The following MYH9 variants were observed in gnomAD, a reference collection of about 807,000 sequenced individuals.
The protein encoded by MYH9 is myosin heavy chain 9.
In MYH9, 29 loss-of-function variants were observed where a neutral mutation model predicts 241.9. The observed-to-expected ratio is 0.12, with a 90% CI of 0.09 to 0.16. MYH9 has a LOEUF of 0.16. Ranked by LOEUF, MYH9 falls within the 10% of genes least tolerant of loss-of-function variation. MYH9 has a pLI of 1.00. For missense variants in MYH9, 1,803 were observed against 2,595.5 expected, an observed-to-expected ratio of 0.69 and a Z score of 6.63; for synonymous variants, 1,047 against 1,062.6, an observed-to-expected ratio of 0.99 and a Z score of 0.29.
In MYH9 at chr22:36,320,823, C is replaced by G. The variant is rs2017238102; in HGVS notation, c.843G>C (p.Leu281=). ...ERTFHIFYYL[L]SGAGEHLKTD... is the part of the protein sequence containing the mutation. The stretch of plus-strand genomic sequence containing the variant: ...TCTTCAGGTGCTCTCCAGCCCCAGA[C>G]AGGAGATAATAGAAGATGTGGAAGG... Residue 281 remains leucine, a synonymous_variant, in exon 8 of 41, where the codon CTG becomes CTC. Transcript: ENST00000216181. The surrounding 1 kb of genome is among the most constrained non-coding windows in gnomAD (Gnocchi z 4.8). The G allele has an allele frequency of 1.2e-6, 2 of 1,614,096 alleles. No homozygotes were observed. The highest frequency in any genetic ancestry group is 1.1e-5 in the South Asian group (1 of 91,080).
At chr22:36,292,303 G>C in intron 30 of MYH9, 69 bp from the exon 31 acceptor site, 1 of 1,602,580 alleles carries the variant, frequency 6.2e-7, no homozygotes, top group Non-Finnish European at 8.5e-7. Context: ...CCGTCCCTGG[G>C]GCAGCTGGGA....
At chr22:36,315,845 C>T (rs971644456) in intron 12 of MYH9, among the ~76,000 whole-genome samples, 1 of 141,918 alleles carries the variant, frequency 7.0e-6, no homozygotes, top group Admixed American at 6.8e-5. Context: ...TCTAACTGAG[C>T]CTGGGCCACA....
chr22:36,296,925 T>A lies in MYH9; in HGVS notation c.3190A>T (p.Ile1064Phe), dbSNP rs147911658. 8.1e-6 allele frequency: 13 copies of A among 1,614,110 alleles called. No individual in the cohort carries two copies. Among genetic ancestry groups the A allele is most frequent in the Non-Finnish European group, 1.0e-5 (12 of 1,179,986 alleles). ...EGDSTDLSDQ[I>F]AELQAQIAEL... ...GCGATCTGGGCCTGGAGCTCGGCGA[T>A]CTGGTCGCTGAGGTCTGTGGAGTCT... The change falls in exon 25 of 41, where the codon ATC becomes TTC. Residue 1064 changes from isoleucine (I) to phenylalanine (F), a missense_variant. Around this residue, in one of 11 missense-constraint regions of MYH9, gnomAD observed 290 missense variants for 360.5 expected, o/e 0.80. Coordinates refer to ENST00000216181, the MANE Select transcript of MYH9 (RefSeq NM_002473.6).
Position 36,320,330 on chromosome 22 carries a change from C to T in MYH9, c.902G>A (p.Arg301His). The T allele has an allele frequency of 2.5e-6, 4 of 1,614,070 alleles. No individual in the cohort carries two copies. Among genetic ancestry groups the T allele is most frequent in the Non-Finnish European group, 3.4e-6 (4 of 1,180,034 alleles). The change falls in exon 9 of 41, where the codon CGC (arginine) becomes CAC (histidine). Residue 301 changes from arginine to histidine, a missense_variant. Physicochemically the swap from Arg to His is conservative, Grantham distance 29 (BLOSUM62 0). Around this residue, in one of 11 missense-constraint regions of MYH9, gnomAD observed 222 missense variants for 359.9 expected, o/e 0.62. Coordinates refer to ENST00000216181, the MANE Select transcript of MYH9 (RefSeq NM_002473.6). The surrounding 1 kb of genome is among the most constrained non-coding windows in gnomAD (Gnocchi z 4.8). ...GGTGACGTGTCCATTGGACAGGAAG[C>T]GGTATTTGTTGTACGGCTCCAACAG... ...DLLLEPYNKY[R>H]FLSNGHVTIP...
At chr22:36,351,300 A>AC (rs2017761442) in intron 1 of MYH9, among the ~76,000 whole-genome samples, 1 of 152,074 alleles carries the variant, frequency 6.6e-6, no homozygotes, top group South Asian at 2.1e-4. Flanking sequence ...ACACAGGCAA[A>AC]CCCCACAGAC....
In MYH9 at chr22:36,300,865, G is replaced by C. The variant is rs1170023687; in HGVS notation, c.2824C>G (p.Gln942Glu). 1 of 1,601,892 alleles carries C rather than the reference G, an allele frequency of 6.2e-7. No homozygotes were observed. Among genetic ancestry groups the C allele is most frequent in the South Asian group, 1.1e-5 (1 of 91,084 alleles). Residue 942 changes from glutamine (Q) to glutamate (E), a missense_variant, in exon 22 of 41, where the codon CAG becomes GAG. Gln to Glu is a conservative substitution (Grantham distance 29, BLOSUM62 2). This residue lies in a region of MYH9 where 290 missense variants were observed against 360.5 expected (regional missense o/e 0.80). Transcript: ENST00000216181. This position sits in a 1 kb window ranked among gnomAD's most constrained non-coding sequence, Gnocchi z 5.0. ...QHLQAEKKKM[Q>E]QNIQELEEQL... is the part of the protein sequence containing the mutation. The stretch of plus-strand genomic sequence containing the variant: ...CGGGCAGGAACCTGGATGTTCTGCT[G>C]CATCTTCTTCTTCTCCGCCTGCAGG...
chr22:36,293,666 T>C lies in MYH9; in HGVS notation c.3942+93A>G. 1 of 1,349,952 alleles carries C rather than the reference T, an allele frequency of 7.4e-7. No individual in the cohort carries two copies. Among genetic ancestry groups the C allele is most frequent in the African/African-American group, 1.4e-5 (1 of 69,812 alleles). 83.6% of individuals were successfully genotyped at this position (1,349,952 alleles called of 1,614,324 possible). On this transcript the variant is annotated intron_variant, in intron 29 of 40. Transcript: ENST00000216181. This position sits in a 1 kb window ranked among gnomAD's most constrained non-coding sequence, Gnocchi z 5.1. ...AGGATGAAGCAGATGAAGGAGAGGATGGGCAATCCGATGGGCTCTGAAGCT... is the reference window on the plus strand; with the variant it reads ...AGGATGAAGCAGATGAAGGAGAGGACGGGCAATCCGATGGGCTCTGAAGCT...
Position 36,299,047 on chromosome 22 carries a change from G to T in MYH9, c.2977-5C>A. 6.2e-7 allele frequency: 1 copy of T among 1,613,966 alleles called. No homozygotes were observed. Among genetic ancestry groups the T allele is most frequent in the Non-Finnish European group, 8.5e-7 (1 of 1,179,974 alleles). On this transcript the variant is annotated splice_region_variant and splice_polypyrimidine_tract_variant and intron_variant, in intron 23 of 40. Coordinates refer to ENST00000216181, the MANE Select transcript of MYH9 (RefSeq NM_002473.6). ...GTCTTCCAGCAGTTTCTTTTCCTGG[G>T]GAGAGGGGAGTAGGCTGGCATTTAG...
chr22:36,302,414 G>T, intron 20 of MYH9, 154 bp downstream of exon 20: 1 of 650,740 alleles, frequency 1.5e-6, no homozygotes, highest in Non-Finnish European at 2.8e-6. Context: ...TTGGGAGGCT[G>T]AGGTAGGAGG....
In MYH9 at chr22:36,294,146, G is replaced by A. The variant is rs1360235557; in HGVS notation, c.3783C>T (p.Phe1261=). 6.2e-7 allele frequency: 1 copy of A among 1,612,724 alleles called. No homozygotes were observed. Among genetic ancestry groups the A allele is most frequent in the Admixed American group, 1.7e-5 (1 of 60,032 alleles). ...EAQLQELQVK[F]NEGERVRTEL... ...CTGTGCGCACGCGCTCTCCCTCGTT[G>A]AACTTGACCTGCAGCTCCTGCAGCT... The change falls in exon 28 of 41, where the codon TTC becomes TTT. Residue 1261 remains phenylalanine (F), a synonymous_variant. Coordinates refer to ENST00000216181, the MANE Select transcript of MYH9 (RefSeq NM_002473.6).
chr22:36,348,796 A>T, intron 2 of MYH9, 108 bp downstream of exon 2: 1 of 1,108,678 alleles, frequency 9.0e-7, no homozygotes, highest in Non-Finnish European at 1.3e-6. Context: ...CCCCTTCTCA[A>T]CCAGAGAGCC....
In MYH9 at chr22:36,288,928, C is replaced by T. The variant is rs1286677579; in HGVS notation, c.4569G>A (p.Leu1523=). 1.9e-5 allele frequency: 30 copies of T among 1,613,812 alleles called. No homozygotes were observed. Among genetic ancestry groups the T allele is most frequent in the African/African-American group, 4.0e-5 (3 of 74,926 alleles). ...GCTCTAGGGCCCGCTTGGACTTCTC[C>T]AGCTCGTGGACCTGAGCCCCAGAGA... ...KDDVGKSVHE[L]EKSKRALEQQ... The change falls in exon 33 of 41, where the codon CTG becomes CTA. Residue 1523 remains leucine (L), a synonymous_variant. Coordinates refer to ENST00000216181, the MANE Select transcript of MYH9 (RefSeq NM_002473.6). The surrounding 1 kb of genome is among the most constrained non-coding windows in gnomAD (Gnocchi z 4.8).
chr22:36,384,412 A>T (rs1883203040), intron 1 of MYH9, among the ~76,000 whole-genome samples: 1 of 148,662 alleles, frequency 6.7e-6, no homozygotes, highest in Admixed American at 6.7e-5. Context: ...GTGAAACCTC[A>T]TCTCAACTAC....
chr22:36,369,717 A>C (rs560612329), intron 1 of MYH9, among the ~76,000 whole-genome samples: 1 of 152,354 alleles, frequency 6.6e-6, no homozygotes, highest in South Asian at 2.1e-4. Flanking sequence ...ACAAAAACCC[A>C]ATTTCACAAC....
At chr22:36,318,661 G>A (rs554635894) in intron 10 of MYH9, among the ~76,000 whole-genome samples, 7 of 152,294 alleles carry the variant, frequency 4.6e-5, no homozygotes, top group South Asian at 2.1e-4. Flanking sequence ...ACTCTCAGCC[G>A]CACTCCTCAG....
intron 1 of MYH9, among the ~76,000 whole-genome samples, chr22:36,370,972 T>C (rs543240383): frequency 1.3e-4 from 20 of 152,162 alleles, no homozygotes; most frequent in African/African-American, 4.6e-4. Flanking sequence ...TAACAGATAG[T>C]TCTATGAACC....
intron 1 of MYH9, among the ~76,000 whole-genome samples, chr22:36,370,838 G>A (rs1415723946): frequency 6.6e-6 from 1 of 150,984 alleles, no homozygotes; most frequent in Non-Finnish European, 1.5e-5. Flanking sequence ...AAAAGCGCTG[G>A]TGAACCAGGG....
chr22:36,309,261 G>A, intron 15 of MYH9, 21 bp downstream of exon 15: 2 of 1,600,138 alleles, frequency 1.2e-6, no homozygotes, highest in Non-Finnish European at 8.6e-7. Flanking sequence ...GGAGGCAGGG[G>A]GCGAAGGGCA....
In MYH9 at chr22:36,281,560, A is replaced by C. The variant is rs1340952818; in HGVS notation, c.*1108T>G. ...AGTCTCAATGCAGCATATACAAAACAGTTAGGAATACAAGTAAATTCGGCA... is the reference window on the plus strand; with the variant it reads ...AGTCTCAATGCAGCATATACAAAACCGTTAGGAATACAAGTAAATTCGGCA... On this transcript the variant is annotated 3_prime_UTR_variant, in exon 41 of 41. Transcript: ENST00000216181. The C allele has an allele frequency of 1.3e-5, 3 of 228,978 alleles. No individual in the cohort carries two copies. Among genetic ancestry groups the C allele is most frequent in the African/African-American group, 6.7e-5 (3 of 45,094 alleles). 14.2% of individuals were successfully genotyped at this position (228,978 alleles called of 1,614,324 possible). A position where few individuals can be genotyped will look rare whatever the true frequency, so the allele number is the denominator to read the frequency against.
Sources: allele counts gnomAD v4.1 joint callset (sites outside exome capture counted in the v4.1 genomes callset), GRCh38; gene constraint gnomAD v4.1.1; regional missense constraint gnomAD v4.1.1; non-coding constraint Gnocchi (gnomAD v3.1); transcripts MANE v1.5; gene names NCBI Gene and HGNC (gene_info 2026-07-23, HGNC 2026-07-21).